Variants in GLRA3 observed in about 807,000 individuals in gnomAD.
GLRA3 encodes glycine receptor subunit alpha-3.
A neutral mutation model predicts 60.4 loss-of-function variants in GLRA3; 44 were observed. The ratio of observed to expected loss-of-function variants is 0.73; its 90% CI spans 0.57 to 0.94. The LOEUF (loss-of-function observed/expected upper bound fraction) is 0.94. Ranked by LOEUF, GLRA3 falls within the 40% of genes least tolerant of loss-of-function variation. The pLI, the probability that GLRA3 is intolerant of heterozygous loss-of-function variation, is 0.00. For missense variants in GLRA3, 508 were observed against 564.6 expected (o/e 0.90, Z 1.02); for synonymous variants, 223 against 192.9 (o/e 1.16, Z -1.29).
chr4:174,826,428 T>C (rs1740969908), intron 1 of GLRA3, among the ~76,000 whole-genome samples: 1 of 152,164 alleles, frequency 6.6e-6, no homozygotes, highest in Non-Finnish European at 1.5e-5. Context: ...GAAAGGATTA[T>C]GGTGGAGGAA....
chr4:174,816,188 C>T (rs1740493958), intron 1 of GLRA3, among the ~76,000 whole-genome samples: 1 of 152,144 alleles, frequency 6.6e-6, no homozygotes, highest in Non-Finnish European at 1.5e-5. Context: ...GACTTCTCCT[C>T]ATCTGCATGC....
chr4:174,829,000 A>G lies in GLRA3; in HGVS notation c.-189T>C. 3 of 569,684 alleles carry G rather than the reference A, an allele frequency of 5.3e-6. No homozygotes were observed. Among genetic ancestry groups the G allele is most frequent in the Non-Finnish European group, 9.4e-6 (3 of 317,928 alleles). 35.3% of individuals were successfully genotyped at this position (569,684 alleles called of 1,614,324 possible). ...TTCTCAGCATTGAGCAGAAGTGGAGAGTCACAGTGTTATAAATGTGCAGGT... is the reference window on the plus strand; with the variant it reads ...TTCTCAGCATTGAGCAGAAGTGGAGGGTCACAGTGTTATAAATGTGCAGGT... On this transcript the variant is annotated 5_prime_UTR_variant, in exon 1 of 10. Coordinates refer to ENST00000274093, the MANE Select transcript of GLRA3 (RefSeq NM_006529.4).
intron 7 of GLRA3, among the ~76,000 whole-genome samples, chr4:174,659,673 T>A (rs1306146695): frequency 6.6e-6 from 1 of 152,164 alleles, no homozygotes; most frequent in Non-Finnish European, 1.5e-5. Context: ...AGACATGTTA[T>A]AAGAATAGTG....
intron 1 of GLRA3, among the ~76,000 whole-genome samples, chr4:174,821,946 CA>C (rs1740757457): frequency 6.6e-6 from 1 of 152,148 alleles, no homozygotes; most frequent in Admixed American, 6.5e-5. Context: ...ATGTGACAGA[CA>C]GGCAGATGTC....
chr4:174,719,937 T>G (rs915269550), intron 4 of GLRA3, among the ~76,000 whole-genome samples: 1 of 151,922 alleles, frequency 6.6e-6, no homozygotes, highest in African/African-American at 2.4e-5. Context: ...AATTAATGGC[T>G]ATCAATGTTA....
At chr4:174,726,245 C>T (rs1736318125) in intron 4 of GLRA3, among the ~76,000 whole-genome samples, 1 of 152,190 alleles carries the variant, frequency 6.6e-6, no homozygotes. Flanking sequence ...TCTATGTGGT[C>T]TTCCTGGCTC....
chr4:174,663,954 T>A (rs1265246673), intron 7 of GLRA3, among the ~76,000 whole-genome samples: 1 of 152,190 alleles, frequency 6.6e-6, no homozygotes, highest in Non-Finnish European at 1.5e-5. Flanking sequence ...ACTCTGTGAA[T>A]ACCAGTGTCT....
chr4:174,730,211 C>T (rs1411760907), intron 3 of GLRA3, among the ~76,000 whole-genome samples: 1 of 152,178 alleles, frequency 6.6e-6, no homozygotes, highest in African/African-American at 2.4e-5. Context: ...CAAGCTTCTA[C>T]CAGCCTAGAA....
At chr4:174,798,821 G>A (rs543153080) in intron 1 of GLRA3, among the ~76,000 whole-genome samples, 1 of 152,288 alleles carries the variant, frequency 6.6e-6, no homozygotes, top group East Asian at 1.9e-4. Flanking sequence ...CTACTCGGGA[G>A]GCTGAGGCAG....
rs1310082700 is a variant in GLRA3, at chr4:174,638,572, A to T, written c.*5214T>A. On this transcript the variant is annotated 3_prime_UTR_variant, in exon 10 of 10. Coordinates refer to ENST00000274093, the MANE Select transcript of GLRA3 (RefSeq NM_006529.4). ...CGGCCTCCCAAAGTGCTGGGATTAC[A>T]GGCGTGAGCCACCTGGCCGGGCCTA... 6.6e-6 allele frequency: 1 copy of T among 152,274 alleles called. No individual in the cohort carries two copies. The highest frequency in any genetic ancestry group is 1.5e-5 in the Non-Finnish European group (1 of 68,078). 9.4% of individuals were successfully genotyped at this position (152,274 alleles called of 1,614,324 possible).
At position 174,742,708 on chromosome 4, in the gene GLRA3, C is replaced by CT. The variant is rs1281870442; in HGVS notation, c.268-14011dup. 5.3e-5 allele frequency among the ~76,000 whole-genome samples: 8 copies of CT among 152,256 alleles called. No homozygotes were observed. In the East Asian group the frequency reaches 1.4e-3, roughly 26 times the overall value. On this transcript the variant is annotated intron_variant, in intron 3 of 9. Transcript: ENST00000274093. ...TATGATCTCAGCAGAAAAATGATAG[C>CT]TTTTAAAGCCTGTTCCCTGGTGCTT...
intron 3 of GLRA3, among the ~76,000 whole-genome samples, chr4:174,756,924 G>A (rs1327014652): frequency 1.3e-5 from 2 of 152,184 alleles, no homozygotes; most frequent in Non-Finnish European, 2.9e-5. Context: ...GGGATTACAG[G>A]CGTGAGCCCC....
intron 3 of GLRA3, among the ~76,000 whole-genome samples, chr4:174,742,206 A>T (rs760133028): frequency 4.6e-5 from 7 of 152,198 alleles, no homozygotes; most frequent in African/African-American, 7.2e-5. Context: ...AATATTTAAC[A>T]TCAGTAGAAG....
chr4:174,664,705 T>C (rs1312002235), intron 7 of GLRA3, among the ~76,000 whole-genome samples: 1 of 152,210 alleles, frequency 6.6e-6, no homozygotes, highest in Non-Finnish European at 1.5e-5. Flanking sequence ...ATTGCATTGC[T>C]TTAGGCTTAC....
At position 174,710,168 on chromosome 4, in the gene GLRA3, A is replaced by C. The variant is rs115211789; in HGVS notation, c.574+5320T>G. On this transcript the variant is annotated intron_variant, in intron 5 of 9. Transcript: ENST00000274093. ...GGCTCTCTTTTGGTGGTCGTTTTCTATGCTATCTCCAGAAATTTCATTGAT... is the reference window on the plus strand; with the variant it reads ...GGCTCTCTTTTGGTGGTCGTTTTCTCTGCTATCTCCAGAAATTTCATTGAT... Among the ~76,000 whole-genome samples the C allele has an allele frequency of 6.5e-3, 987 of 152,010 alleles. 10 individuals are homozygous for C. Among genetic ancestry groups the C allele is most frequent in the African/African-American group, 0.022 (923 of 41,488 alleles).
intron 3 of GLRA3, among the ~76,000 whole-genome samples, chr4:174,747,314 G>A (rs1021597441): frequency 6.6e-6 from 1 of 152,178 alleles, no homozygotes; most frequent in African/African-American, 2.4e-5. Flanking sequence ...TAAAAAGTAA[G>A]AGTTCAAAGG....
chr4:174,824,513 C>T (rs940921106), intron 1 of GLRA3, among the ~76,000 whole-genome samples: 6 of 152,160 alleles, frequency 3.9e-5, no homozygotes, highest in African/African-American at 1.2e-4. Context: ...AATGCTGTGA[C>T]TCCTCCATAT....
intron 1 of GLRA3, among the ~76,000 whole-genome samples, chr4:174,825,283 G>A (rs369517827): frequency 1.3e-5 from 2 of 151,872 alleles, no homozygotes; most frequent in East Asian, 3.9e-4. Flanking sequence ...GAAAAATAGA[G>A]ACAACATTAA....
intron 1 of GLRA3, among the ~76,000 whole-genome samples, chr4:174,803,782 G>A (rs1357067231): frequency 1.3e-5 from 2 of 152,084 alleles, no homozygotes; most frequent in Admixed American, 6.6e-5. Flanking sequence ...TATCTTATGA[G>A]ACTCAAATGT....
Sources: allele counts gnomAD v4.1 joint callset (sites outside exome capture counted in the v4.1 genomes callset), GRCh38; gene constraint gnomAD v4.1.1; transcripts MANE v1.5; gene names NCBI Gene and HGNC (gene_info 2026-07-23, HGNC 2026-07-21).